Variants in SV2C observed in about 807,000 individuals in gnomAD.
SV2C encodes solute carrier family 22 member B3.
SV2C carries 49 observed loss-of-function variants against 79.7 expected under a neutral mutation model. The observed-to-expected ratio is 0.61, with a 90% CI of 0.49 to 0.78. SV2C has a LOEUF of 0.78. Among genes scored for constraint, SV2C ranks in the 30% least tolerant of loss-of-function variants. SV2C has a pLI of 0.00. For missense variants in SV2C, 833 were observed against 912.9 expected (o/e 0.91, Z 1.13); for synonymous variants, 334 against 333.2 (o/e 1.00, Z -0.03).
the SV2C span, among the ~76,000 whole-genome samples, chr5:75,989,211 C>T: frequency 3.1e-3 from 477 of 151,860 alleles, 3 homozygotes; most frequent in African/African-American, 0.011. Flanking sequence ...CATAAGTAAA[C>T]GTGTGATATG....
At chr5:75,875,727 A>G in the SV2C span, among the ~76,000 whole-genome samples, 1 of 152,178 alleles carries the variant, frequency 6.6e-6, no homozygotes, top group Non-Finnish European at 1.5e-5. Context: ...CAAATTTACA[A>G]GAAAAACAGA....
the SV2C span, among the ~76,000 whole-genome samples, chr5:75,864,628 A>G: frequency 3.4e-4 from 52 of 152,322 alleles, no homozygotes; most frequent in African/African-American, 1.2e-3. Flanking sequence ...CAGGGGCTAC[A>G]TCCATGACCC....
At chr5:75,900,899 C>T in the SV2C span, among the ~76,000 whole-genome samples, 6 of 152,354 alleles carry the variant, frequency 3.9e-5, no homozygotes, top group East Asian at 9.6e-4. Flanking sequence ...CTTCTGCATT[C>T]TTCACGTAGT....
chr5:76,129,369 G>T (rs1371128297), intron 1 of SV2C, among the ~76,000 whole-genome samples: 2 of 152,178 alleles, frequency 1.3e-5, no homozygotes, highest in Admixed American at 1.3e-4. Flanking sequence ...TTCGATTTGG[G>T]GGATGAGAAA....
the SV2C span, among the ~76,000 whole-genome samples, chr5:75,908,343 C>A: frequency 2.0e-5 from 3 of 152,220 alleles, no homozygotes; most frequent in Non-Finnish European, 4.4e-5. Context: ...TGACTTCTTT[C>A]ACTTAGCACG....
chr5:75,954,546 C>T, the SV2C span, among the ~76,000 whole-genome samples: 9 of 150,946 alleles, frequency 6.0e-5, no homozygotes, highest in Non-Finnish European at 1.2e-4. Flanking sequence ...CTGGCCAGGA[C>T]GATCAGGCAG....
chr5:76,126,287 A>G (rs1347481782), intron 1 of SV2C, among the ~76,000 whole-genome samples: 1 of 152,130 alleles, frequency 6.6e-6, no homozygotes, highest in Non-Finnish European at 1.5e-5. Context: ...TTGAACCGTG[A>G]TTTTTGCACT....
the SV2C span, among the ~76,000 whole-genome samples, chr5:75,858,271 T>C: frequency 6.6e-6 from 1 of 152,216 alleles, no homozygotes. Context: ...TGTTGAGGTA[T>C]GTTCCTTCTA....
the SV2C span, among the ~76,000 whole-genome samples, chr5:76,015,949 G>T: frequency 2.6e-5 from 4 of 151,982 alleles, no homozygotes; most frequent in Non-Finnish European, 5.9e-5. Context: ...CCAATGGAAA[G>T]AACATGGGTT....
chr5:75,865,710 A>T, the SV2C span, among the ~76,000 whole-genome samples: 5 of 152,252 alleles, frequency 3.3e-5, no homozygotes, highest in African/African-American at 9.6e-5. Context: ...GGGGAGAAGC[A>T]TGTGGACCAA....
chr5:76,014,284 GAAA>G, the SV2C span, among the ~76,000 whole-genome samples: 350 of 145,648 alleles, frequency 2.4e-3, 2 homozygotes, highest in African/African-American at 8.6e-3. Flanking sequence ...AAGAAAGAAA[GAAA>G]TCTTTCTCTT....
chr5:75,916,061 C>T, the SV2C span, among the ~76,000 whole-genome samples: 1 of 152,192 alleles, frequency 6.6e-6, no homozygotes, highest in Non-Finnish European at 1.5e-5. Context: ...TAGAGAATTA[C>T]TTACATCAAG....
chr5:76,145,416 C>T (rs1749389432), intron 2 of SV2C, among the ~76,000 whole-genome samples: 1 of 152,192 alleles, frequency 6.6e-6, no homozygotes, highest in Admixed American at 6.5e-5. Flanking sequence ...AAATAAATTA[C>T]AGTCCTGGTG....
the SV2C span, among the ~76,000 whole-genome samples, chr5:75,856,435 A>AT: frequency 1.3e-5 from 2 of 152,152 alleles, no homozygotes; most frequent in African/African-American, 2.4e-5. Flanking sequence ...TGTTCTCCAC[A>AT]TTTTCACCAG....
chr5:76,047,224 C>A, the SV2C span, among the ~76,000 whole-genome samples: 1 of 152,148 alleles, frequency 6.6e-6, no homozygotes, highest in Non-Finnish European at 1.5e-5. Context: ...CCTTCCCAGC[C>A]CCCCAGAAGC....
At chr5:76,147,184 A>G (rs1266175982) in intron 2 of SV2C, among the ~76,000 whole-genome samples, 1 of 152,184 alleles carries the variant, frequency 6.6e-6, no homozygotes, top group Admixed American at 6.5e-5. Context: ...TGAATTGTAC[A>G]CTCAAAATAA....
At chr5:76,038,356 A>G in the SV2C span, among the ~76,000 whole-genome samples, 1 of 152,192 alleles carries the variant, frequency 6.6e-6, no homozygotes, top group Non-Finnish European at 1.5e-5. Context: ...AAGTGCTCTA[A>G]AAGTGGGAAT....
At chr5:76,055,059 A>G in the SV2C span, among the ~76,000 whole-genome samples, 4 of 152,192 alleles carry the variant, frequency 2.6e-5, no homozygotes, top group East Asian at 7.7e-4. Context: ...TGTTTTCATC[A>G]TGAAGTCTTT....
chr5:76,022,278 C>T, the SV2C span, among the ~76,000 whole-genome samples: 3 of 152,284 alleles, frequency 2.0e-5, no homozygotes, highest in South Asian at 6.2e-4. Context: ...ACCTGACTGC[C>T]CATGAGTGAC....
Sources: allele counts gnomAD v4.1 joint callset (sites outside exome capture counted in the v4.1 genomes callset), GRCh38; gene constraint gnomAD v4.1.1; transcripts MANE v1.5; gene names NCBI Gene and HGNC (gene_info 2026-07-23, HGNC 2026-07-21).